SYNE1: variants seen among roughly 807,000 people sequenced by gnomAD.
SYNE1 encodes nesprin-1.
Under a neutral mutation model 1,111.0 loss-of-function variants are expected in SYNE1, and 616 were observed. The observed-to-expected ratio is 0.55, with a 90% CI of 0.52 to 0.59. The LOEUF (loss-of-function observed/expected upper bound fraction) is 0.59, where lower values mean the gene tolerates loss of function less well. Among genes scored for constraint, SYNE1 ranks in the 20% least tolerant of loss-of-function variants. The pLI is 0.00. For missense variants in SYNE1, 10,006 were observed against 10,417.0 expected (o/e 0.96, Z 1.72); for synonymous variants, 3,855 against 3,825.8 (o/e 1.01, Z -0.28).
At position 152,450,828 on chromosome 6, in the gene SYNE1, G is replaced by A; in HGVS notation, c.3192C>T (p.Phe1064=). 1.1e-5 allele frequency: 17 copies of A among 1,613,922 alleles called. No homozygotes were observed. Among genetic ancestry groups the A allele is most frequent in the Non-Finnish European group, 1.4e-5 (17 of 1,179,954 alleles). The part of the protein sequence containing the change: ...SEKIIKEHRV[F]FSDKGPHHLC... ...GATGATGAGGACCTTTGTCACTGAA[G>A]AAAACCTAATGTGTAATAAATGTTT... is the stretch of plus-strand genomic sequence containing the variant. Residue 1064 remains phenylalanine (F), a synonymous_variant, in exon 27 of 146, where the codon TTC becomes TTT. Transcript: ENST00000367255.
chr6:152,484,775 T>C lies in SYNE1; in HGVS notation c.1185+60A>G, dbSNP rs1001672790. On this transcript the variant is annotated intron_variant, in intron 13 of 145. Coordinates refer to ENST00000367255, the MANE Select transcript of SYNE1 (RefSeq NM_182961.4). ...CATACCACTGTGTAGAAATAGATGA[T>C]GAAAAATATTCTTTTCTAAATTTAT... 11 of 1,577,888 alleles carry C rather than the reference T, an allele frequency of 7.0e-6. No homozygotes were observed. In the African/African-American group the frequency reaches 9.5e-5, roughly 14 times the overall value.
intron 3 of SYNE1, among the ~76,000 whole-genome samples, chr6:152,571,189 T>C (rs565651251): frequency 1.3e-5 from 2 of 152,344 alleles, no homozygotes; most frequent in Non-Finnish European, 2.9e-5. Flanking sequence ...AGGTTTCTTT[T>C]AACCCAATGG....
chr6:152,287,513 A>T, intron 95 of SYNE1, among the ~76,000 whole-genome samples: 1 of 152,108 alleles, frequency 6.6e-6, no homozygotes, highest in East Asian at 1.9e-4. Flanking sequence ...CATTTTTAAT[A>T]TATATTTTCC....
chr6:152,532,719 T>G (rs1165208300), intron 4 of SYNE1, among the ~76,000 whole-genome samples: 1 of 152,188 alleles, frequency 6.6e-6, no homozygotes, highest in African/African-American at 2.4e-5. Flanking sequence ...GAACGACCCA[T>G]AACTTGTAGA....
intron 8 of SYNE1, among the ~76,000 whole-genome samples, chr6:152,508,297 T>C (rs1007073151): frequency 2.6e-5 from 4 of 152,332 alleles, no homozygotes. Flanking sequence ...ATGGATTTTA[T>C]TGCTTGCTCA....
At chr6:152,361,627 T>C (rs1157839048) in intron 64 of SYNE1, among the ~76,000 whole-genome samples, 4 of 152,048 alleles carry the variant, frequency 2.6e-5, no homozygotes, top group Non-Finnish European at 4.4e-5. Context: ...TTTAGGATAA[T>C]GGTAAGGGGG....
chr6:152,486,585 A>T (rs181038483), intron 12 of SYNE1, among the ~76,000 whole-genome samples: 135 of 152,324 alleles, frequency 8.9e-4, no homozygotes, highest in Admixed American at 3.7e-3. Flanking sequence ...TGGACTAAAT[A>T]AGTATATTCA....
intron 4 of SYNE1, among the ~76,000 whole-genome samples, chr6:152,539,350 G>A (rs2099258655): frequency 6.6e-6 from 1 of 152,006 alleles, no homozygotes; most frequent in Non-Finnish European, 1.5e-5. Flanking sequence ...CAGTACAAGA[G>A]ATTAATTTTA....
intron 96 of SYNE1, among the ~76,000 whole-genome samples, chr6:152,283,057 A>T (rs2094125955): frequency 6.6e-6 from 1 of 152,240 alleles, no homozygotes; most frequent in African/African-American, 2.4e-5. Flanking sequence ...AAAGGTCTTT[A>T]GGGAGCCTCC....
rs1412215851 is a variant in SYNE1, at chr6:152,427,803, G to A, written c.4990C>T (p.Leu1664=). Residue 1664 remains leucine (L), a synonymous_variant, in exon 38 of 146, where the codon CTA becomes TTA. Coordinates refer to ENST00000367255, the MANE Select transcript of SYNE1 (RefSeq NM_182961.4). ...TCTAACCAGGTCAAAAAGGATGATA[G>A]TTCTTTCTCTAGCCTAAAGGAAGCA... ...LAHWQRLEKE[L]SSFLTWLERG... 1 of 1,614,090 alleles carries A rather than the reference G, an allele frequency of 6.2e-7. No homozygotes were observed. Among genetic ancestry groups the A allele is most frequent in the South Asian group, 1.1e-5 (1 of 91,084 alleles).
At chr6:152,593,828 G>C (rs2099573451) in intron 3 of SYNE1, among the ~76,000 whole-genome samples, 1 of 152,130 alleles carries the variant, frequency 6.6e-6, no homozygotes, top group South Asian at 2.1e-4. Flanking sequence ...CTACTTACAG[G>C]GTTGTGAAAA....
intron 124 of SYNE1, among the ~76,000 whole-genome samples, chr6:152,209,254 TG>T (rs1338023464): frequency 6.6e-6 from 1 of 152,224 alleles, no homozygotes; most frequent in Non-Finnish European, 1.5e-5. Context: ...TGTATCTTCT[TG>T]AAACTTCCTA....
intron 86 of SYNE1, among the ~76,000 whole-genome samples, chr6:152,317,234 C>CTTTTTTTTTTTTTT (rs61399339): frequency 7.4e-6 from 1 of 135,908 alleles, no homozygotes; most frequent in Non-Finnish European, 1.6e-5. Flanking sequence ...TTTCTTTTTT[C>CTTTTTTTTTTTTTT]TTTTTTTTTT....
chr6:152,494,090 G>A (rs1383442600), intron 11 of SYNE1, among the ~76,000 whole-genome samples: 2 of 152,142 alleles, frequency 1.3e-5, no homozygotes, highest in Admixed American at 6.5e-5. Context: ...CAACCTGACC[G>A]CACAGTTCTG....
Position 152,387,234 on chromosome 6 carries a change from G to T in SYNE1, c.8325C>A (p.His2775Gln), listed in dbSNP as rs770073509. ...GLKEKFVLLD[H>Q]LQSILSEAED... The stretch of plus-strand genomic sequence containing the variant: ...CTGCCTCAGACAGGATGGACTGGAG[G>T]TGGTCAAGCAGGACGAACTTCTCTT... Residue 2775 changes from histidine to glutamine, a missense_variant, in exon 54 of 146, where the codon CAC (histidine) becomes CAA (glutamine). Physicochemically the swap from His to Gln is conservative, Grantham distance 24. Around this residue, in one of 7 missense-constraint regions of SYNE1, gnomAD observed 4,955 missense variants for 5,017.2 expected, o/e 0.99. Coordinates refer to ENST00000367255, the MANE Select transcript of SYNE1 (RefSeq NM_182961.4). 8.7e-6 allele frequency: 14 copies of T among 1,614,168 alleles called. No individual in the cohort carries two copies. Among genetic ancestry groups the T allele is most frequent in the Non-Finnish European group, 1.2e-5 (14 of 1,180,024 alleles).
chr6:152,566,158 C>G (rs1036710087), intron 3 of SYNE1, among the ~76,000 whole-genome samples: 1 of 151,974 alleles, frequency 6.6e-6, no homozygotes, highest in Admixed American at 6.6e-5. Flanking sequence ...AGCTCCTTAC[C>G]CCTCCAGTGT....
At chr6:152,553,643 C>A (rs1250395494) in intron 3 of SYNE1, among the ~76,000 whole-genome samples, 1 of 152,140 alleles carries the variant, frequency 6.6e-6, no homozygotes, top group Admixed American at 6.5e-5. Context: ...CTTGAGCCTC[C>A]TCAACAGAGC....
At chr6:152,225,624 G>A (rs765300290) in intron 116 of SYNE1, 97 bp downstream of exon 116, 67 of 1,414,180 alleles carry the variant, frequency 4.7e-5, no homozygotes, top group Non-Finnish European at 6.1e-5. Flanking sequence ...GTATAGATTT[G>A]ATTATTTCCT....
intron 21 of SYNE1, among the ~76,000 whole-genome samples, chr6:152,460,755 A>T (rs989622523): frequency 9.3e-5 from 10 of 107,186 alleles, no homozygotes; most frequent in African/African-American, 3.7e-4. Flanking sequence ...TAGTGCTTAC[A>T]TCCATCTAGT....
Sources: allele counts gnomAD v4.1 joint callset (sites outside exome capture counted in the v4.1 genomes callset), GRCh38; gene constraint gnomAD v4.1.1; regional missense constraint gnomAD v4.1.1; transcripts MANE v1.5; gene names NCBI Gene and HGNC (gene_info 2026-07-23, HGNC 2026-07-21).